The following COL15A1 variants were observed in gnomAD, a reference collection of about 807,000 sequenced individuals.
COL15A1 encodes collagen type XV alpha 1 chain.
In COL15A1, 111 loss-of-function variants were observed where a neutral mutation model predicts 165.9. That is an observed-to-expected ratio of 0.67 (90% CI 0.57 to 0.78). COL15A1 has a LOEUF of 0.78. Ranked by LOEUF, COL15A1 falls within the 30% of genes least tolerant of loss-of-function variation. COL15A1 has a pLI of 0.00. For missense variants in COL15A1, 1,745 were observed against 1,789.7 expected (o/e 0.98, Z 0.45); for synonymous variants, 659 against 674.8 (o/e 0.98, Z 0.36).
intron 9 of COL15A1, among the ~76,000 whole-genome samples, chr9:99,011,014 T>C (rs1838839969): frequency 1.3e-5 from 2 of 152,140 alleles, no homozygotes; most frequent in Non-Finnish European, 2.9e-5. Context: ...ACAACATTTA[T>C]AACCAGAGGA....
At chr9:98,993,722 C>A (rs1483753334) in intron 5 of COL15A1, among the ~76,000 whole-genome samples, 2 of 152,106 alleles carry the variant, frequency 1.3e-5, no homozygotes, top group Non-Finnish European at 1.5e-5. Flanking sequence ...CTGGGGACTT[C>A]CCCCTTTTAA....
chr9:99,003,388 C>T, intron 7 of COL15A1, 65 bp from the exon 8 acceptor site: 2 of 1,332,406 alleles, frequency 1.5e-6, no homozygotes, highest in Non-Finnish European at 2.0e-6. Flanking sequence ...AGTCTGTTCT[C>T]ACCAGCCACA....
rs185577557 is a variant in COL15A1 at position 99,032,246 on chromosome 9, G to C, written c.2044-2303G>C. Among the ~76,000 whole-genome samples, 465 of 151,564 alleles carry C rather than the reference G, an allele frequency of 3.1e-3. 2 individuals are homozygous for C. Among genetic ancestry groups the C allele is most frequent in the Admixed American group, 7.6e-3 (116 of 15,208 alleles). Reference sequence around the variant, plus strand: ...TTATTATTTTTTGAGATGGAGTCACGCAGTGGTGCGATCTTGGCTCACTGC... The same window carrying C: ...TTATTATTTTTTGAGATGGAGTCACCCAGTGGTGCGATCTTGGCTCACTGC... On this transcript the variant is annotated intron_variant, in intron 16 of 41. Coordinates refer to ENST00000375001, the MANE Select transcript of COL15A1 (RefSeq NM_001855.5).
rs56314221 is a variant in COL15A1 at position 99,069,981 on chromosome 9, G to GTT, written c.*106_*107dup. The GTT allele has an allele frequency of 0.15, 115,920 of 752,230 alleles. 232 individuals carry two copies. The highest frequency in any genetic ancestry group is 0.17 in the South Asian group (7,812 of 47,324). 46.6% of individuals were successfully genotyped at this position (752,230 alleles called of 1,614,324 possible). On this transcript the variant is annotated 3_prime_UTR_variant, in exon 42 of 42. Transcript: ENST00000375001. ...ATGTTTAATTGTTGTAAATATTACA[G>GTT]TTTTTTTTTTTTACTACATATTCTT...
At chr9:99,018,820 G>A (rs1838978270) in intron 11 of COL15A1, among the ~76,000 whole-genome samples, 1 of 152,236 alleles carries the variant, frequency 6.6e-6, no homozygotes, top group African/African-American at 2.4e-5. Context: ...AAAAACACTA[G>A]AAGGAAATAC....
At chr9:99,050,580 C>T (rs1839572154) in intron 30 of COL15A1, among the ~76,000 whole-genome samples, 1 of 152,202 alleles carries the variant, frequency 6.6e-6, no homozygotes, top group Admixed American at 6.5e-5. Context: ...TGAGAAAACC[C>T]AGTGGGGAGG....
intron 9 of COL15A1, among the ~76,000 whole-genome samples, chr9:99,009,412 G>T (rs953657499): frequency 1.3e-5 from 2 of 152,128 alleles, no homozygotes; most frequent in Admixed American, 6.5e-5. Flanking sequence ...TCCAAAGAAG[G>T]TTAAACACTG....
intron 2 of COL15A1, among the ~76,000 whole-genome samples, chr9:98,976,354 A>G (rs1029595293): frequency 3.9e-5 from 6 of 152,238 alleles, no homozygotes; most frequent in Non-Finnish European, 8.8e-5. Context: ...CTGAGAGTCT[A>G]TCTGGTCTAA....
rs2118016348 is a variant in COL15A1, at chr9:99,067,679, T to G, written c.3837+612T>G. Among the ~76,000 whole-genome samples, 2 of 152,332 alleles carry G rather than the reference T, an allele frequency of 1.3e-5. 1 individual carries two copies. Among genetic ancestry groups the G allele is most frequent in the South Asian group, 4.1e-4 (2 of 4,822 alleles). The stretch of plus-strand genomic sequence containing the variant: ...AAAGGTACTTCAAGACCCTTTAGTC[T>G]CTGCAACCCCAGTACTCCAATTTAA... On this transcript the variant is annotated intron_variant, in intron 40 of 41. Coordinates refer to ENST00000375001, the MANE Select transcript of COL15A1 (RefSeq NM_001855.5).
chr9:98,972,382 ACT>A (rs1838074053), intron 2 of COL15A1, among the ~76,000 whole-genome samples: 1 of 151,972 alleles, frequency 6.6e-6, no homozygotes, highest in Non-Finnish European at 1.5e-5. Flanking sequence ...CCCAGGGGTG[ACT>A]CTGATATGTG....
intron 16 of COL15A1, among the ~76,000 whole-genome samples, chr9:99,032,381 G>T (rs1307289515): frequency 1.3e-5 from 2 of 151,914 alleles, no homozygotes; most frequent in African/African-American, 4.8e-5. Flanking sequence ...GTAGAGACGG[G>T]GTTTCACCAT....
intron 24 of COL15A1, 132 bp downstream of exon 24, chr9:99,042,239 A>G (rs2119074135): frequency 3.1e-6 from 2 of 646,242 alleles, no homozygotes; most frequent in Non-Finnish European, 5.4e-6. Context: ...TCACCCCTTT[A>G]AATTGTACAA....
chr9:98,967,809 A>G (rs1837982345), intron 2 of COL15A1, among the ~76,000 whole-genome samples: 1 of 152,144 alleles, frequency 6.6e-6, no homozygotes, highest in Admixed American at 6.5e-5. Flanking sequence ...GCCTCCATTC[A>G]GGTAGTAGGA....
intron 5 of COL15A1, among the ~76,000 whole-genome samples, chr9:98,993,325 A>G (rs779247646): frequency 6.8e-4 from 104 of 152,236 alleles, no homozygotes; most frequent in Non-Finnish European, 9.3e-4. Context: ...AGCACCGGGC[A>G]TAGTACAGAT....
intron 11 of COL15A1, 38 bp downstream of exon 11, chr9:99,016,157 C>T: frequency 6.4e-7 from 1 of 1,559,984 alleles, no homozygotes; most frequent in Non-Finnish European, 8.7e-7. Flanking sequence ...ACTTGGCAGA[C>T]CTTACAGGGG....
chr9:99,049,680 C>A lies in COL15A1; in HGVS notation c.2794-10C>A. 1.2e-6 allele frequency: 2 copies of A among 1,609,960 alleles called. No homozygotes were observed. Among genetic ancestry groups the A allele is most frequent in the Non-Finnish European group, 1.7e-6 (2 of 1,179,206 alleles). ...TGAACTAATGGAATGGCCTTTTTTT[C>A]TTCCTTCAGGGCCCACCTGGCTTAC... On this transcript the variant is annotated splice_polypyrimidine_tract_variant and intron_variant, in intron 28 of 41. Coordinates refer to ENST00000375001, the MANE Select transcript of COL15A1 (RefSeq NM_001855.5).
At chr9:99,059,737 G>A in intron 35 of COL15A1, 152 bp from the exon 36 acceptor site, 1 of 739,902 alleles carries the variant, frequency 1.4e-6, no homozygotes, top group Non-Finnish European at 2.2e-6. Context: ...TCACACGCTG[G>A]GGGCACAGCA....
Position 99,024,277 on chromosome 9 carries a change from G to GTT in COL15A1, c.1855-591_1855-590dup, listed in dbSNP as rs773196929. On this transcript the variant is annotated intron_variant, in intron 14 of 41. Coordinates refer to ENST00000375001, the MANE Select transcript of COL15A1 (RefSeq NM_001855.5). ...GGCTACACCACAAGCAGTTTTTTTT[G>GTT]TTTTTTTGTTTTTTTTTTTTTGAGA... 1.7e-3 allele frequency among the ~76,000 whole-genome samples: 189 copies of GTT among 108,616 alleles called. 7 individuals carry two copies. Among genetic ancestry groups the GTT allele is most frequent in the African/African-American group, 2.5e-3 (69 of 27,070 alleles). The allele number at this position is 108,616 out of a possible 152,430, so 71.3% of individuals were successfully genotyped here. A position where few individuals can be genotyped will look rare whatever the true frequency, so the allele number is the denominator to read the frequency against.
rs1164749384 is a variant in COL15A1, at chr9:99,016,071, G to A, written c.1599G>A (p.Gly533=). 7 of 1,613,850 alleles carry A rather than the reference G, an allele frequency of 4.3e-6. No homozygotes were observed. The highest frequency in any genetic ancestry group is 5.9e-6 in the Non-Finnish European group (7 of 1,179,952). The change falls in exon 11 of 42, where the codon GGG becomes GGA. Residue 533 remains glycine, a synonymous_variant. Transcript: ENST00000375001. ...GEESGSPPPD[G]PPLPLPTVAP... ...AGTCCGGCAGCCCTCCCCCTGATGG[G>A]CCACCGCTGCCCCTGCCCACAGTGG...
Sources: allele counts gnomAD v4.1 joint callset (sites outside exome capture counted in the v4.1 genomes callset), GRCh38; gene constraint gnomAD v4.1.1; transcripts MANE v1.5; gene names NCBI Gene and HGNC (gene_info 2026-07-23, HGNC 2026-07-21).